Variants in FAM171A1 observed in about 807,000 individuals in gnomAD.
FAM171A1 encodes protein FAM171A1.
A neutral mutation model predicts 74.9 loss-of-function variants in FAM171A1; 23 were observed. That is an observed-to-expected ratio of 0.31 (90% confidence interval 0.22 to 0.44). The LOEUF (loss-of-function observed/expected upper bound fraction) is 0.44. FAM171A1 is among the 20% of genes least tolerant of loss of function. The pLI, the probability that FAM171A1 is intolerant of heterozygous loss-of-function variation, is 1.00. For missense variants in FAM171A1, 1,162 were observed against 1,159.2 expected (o/e 1.00, Z -0.03); for synonymous variants, 527 against 505.7 (o/e 1.04, Z -0.57).
chr10:15,242,275 A>T (rs1391629604), intron 5 of FAM171A1, among the ~76,000 whole-genome samples: 1 of 152,226 alleles, frequency 6.6e-6, no homozygotes, highest in East Asian at 1.9e-4. Flanking sequence ...TAATAGCAAC[A>T]AAAGTCTTAT....
intron 1 of FAM171A1, among the ~76,000 whole-genome samples, chr10:15,324,813 A>G (rs529210843): frequency 6.6e-6 from 1 of 152,356 alleles, no homozygotes; most frequent in South Asian, 2.1e-4. Context: ...GTCATGATAG[A>G]AACCACAACT....
intron 5 of FAM171A1, among the ~76,000 whole-genome samples, chr10:15,239,455 C>T (rs1834336133): frequency 6.6e-6 from 1 of 152,126 alleles, no homozygotes; most frequent in East Asian, 1.9e-4. Flanking sequence ...CACCACCACA[C>T]CCGGCTCCAG....
intron 1 of FAM171A1, among the ~76,000 whole-genome samples, chr10:15,322,849 C>T (rs951660466): frequency 1.3e-5 from 2 of 151,976 alleles, no homozygotes; most frequent in African/African-American, 2.4e-5. Context: ...AAAAGTACAC[C>T]TTTTTTTTGG....
intron 5 of FAM171A1, among the ~76,000 whole-genome samples, chr10:15,226,041 C>A (rs1834101961): frequency 6.6e-6 from 1 of 152,226 alleles, no homozygotes; most frequent in African/African-American, 2.4e-5. Context: ...CTTACCACTG[C>A]CTCTTAGTGT....
intron 6 of FAM171A1, among the ~76,000 whole-genome samples, chr10:15,216,667 C>A (rs1034625004): frequency 6.6e-6 from 1 of 151,978 alleles, no homozygotes; most frequent in African/African-American, 2.4e-5. Context: ...CTCCTGAGTT[C>A]GAGCAATCCA....
chr10:15,229,415 TCATCGTCATCACCACCATCATCAC>T (rs991359311), intron 5 of FAM171A1, among the ~76,000 whole-genome samples: 3 of 151,716 alleles, frequency 2.0e-5, no homozygotes, highest in Non-Finnish European at 4.4e-5. Context: ...ATCATCATCA[TCATCGTCATCACCACCATCATCAC>T]CATCGTCACC....
rs550644577 is a variant in FAM171A1, at chr10:15,325,123, T to C, written c.98-41018A>G. On this transcript the variant is annotated intron_variant, in intron 1 of 7. Transcript: ENST00000378116. ...TGACAGCCAGGGGAGTTCTATGTCC[T>C]CTTTGGTGCAAAATGTATGCAGAAA... Among the ~76,000 whole-genome samples, 6 of 152,370 alleles carry C rather than the reference T, an allele frequency of 3.9e-5. No individual in the cohort carries two copies. The South Asian group carries it at 1.2e-3, about 32-fold the overall frequency.
chr10:15,351,827 T>C (rs935197457), intron 1 of FAM171A1, among the ~76,000 whole-genome samples: 1 of 151,916 alleles, frequency 6.6e-6, no homozygotes, highest in African/African-American at 2.4e-5. Flanking sequence ...CCAAGGCAGG[T>C]GGATCCCTTG....
intron 3 of FAM171A1, among the ~76,000 whole-genome samples, chr10:15,257,420 C>T (rs1834594610): frequency 6.6e-6 from 1 of 152,164 alleles, no homozygotes; most frequent in Non-Finnish European, 1.5e-5. Flanking sequence ...GAAACCCAGG[C>T]TGCTCTCCCC....
At chr10:15,355,318 G>A (rs1055791172) in intron 1 of FAM171A1, among the ~76,000 whole-genome samples, 3 of 152,032 alleles carry the variant, frequency 2.0e-5, no homozygotes, top group Non-Finnish European at 2.9e-5. Context: ...CAAGTGATTC[G>A]CCCACTTCAG....
At position 15,213,752 on chromosome 10, in the gene FAM171A1, T is replaced by C. The variant is rs769721808; in HGVS notation, c.1836A>G (p.Glu612=). Reference sequence around the variant, plus strand: ...GATTGGACAGCTCAGCCTGTAGTCTTTCTATCTCAAGCTGCTGATCAGCCG... The same window carrying C: ...GATTGGACAGCTCAGCCTGTAGTCTCTCTATCTCAAGCTGCTGATCAGCCG... The part of the protein sequence containing the change: ...VVPADQQLEI[E]RLQAELSNPH... Residue 612 remains glutamate (E), a synonymous_variant, in exon 8 of 8, where the codon GAA becomes GAG. Transcript: ENST00000378116. The surrounding 1 kb of genome is among the most constrained non-coding windows in gnomAD (Gnocchi z 6.8). 6.2e-7 allele frequency: 1 copy of C among 1,613,952 alleles called. No homozygotes were observed. Among genetic ancestry groups the C allele is most frequent in the Non-Finnish European group, 8.5e-7 (1 of 1,179,894 alleles).
chr10:15,268,452 T>C (rs1383802603), intron 3 of FAM171A1, among the ~76,000 whole-genome samples: 1 of 152,074 alleles, frequency 6.6e-6, no homozygotes, highest in African/African-American at 2.4e-5. Context: ...TCCTCGAGTT[T>C]TGGCCTGAGT....
intron 1 of FAM171A1, among the ~76,000 whole-genome samples, chr10:15,325,593 A>C (rs1346062949): frequency 1.3e-5 from 2 of 152,150 alleles, no homozygotes; most frequent in Non-Finnish European, 2.9e-5. Flanking sequence ...AGCTTATGTC[A>C]GGGGCTTTCC....
chr10:15,214,604 G>T lies in FAM171A1; in HGVS notation c.987-3C>A. On this transcript the variant is annotated splice_polypyrimidine_tract_variant and splice_region_variant and intron_variant, in intron 7 of 7. Coordinates refer to ENST00000378116, the MANE Select transcript of FAM171A1 (RefSeq NM_001010924.2). Reference sequence around the variant, plus strand: ...GACGAGGTTTCAAGCACTTCCTCCTGCGCCCAAAGACACAATCCAAAGCCA... The same window carrying T: ...GACGAGGTTTCAAGCACTTCCTCCTTCGCCCAAAGACACAATCCAAAGCCA... The T allele has an allele frequency of 6.3e-7, 1 of 1,576,332 alleles. No individual in the cohort carries two copies.
chr10:15,246,389 A>C (rs923165610), intron 5 of FAM171A1, among the ~76,000 whole-genome samples: 30 of 152,228 alleles, frequency 2.0e-4, no homozygotes, highest in African/African-American at 6.8e-4. Context: ...TTCTTTTAAA[A>C]TATAATTCCT....
rs1219323573 is a variant in FAM171A1 at position 15,371,264 on chromosome 10, G to T, written c.-212C>A. On this transcript the variant is annotated 5_prime_UTR_variant, in exon 1 of 8. Transcript: ENST00000378116. ...GAGCCGCGGCGGCGGCGGCGGCGGC[G>T]GCTGCTGCTGCTCCGCCAGCTCCTT... Among the ~76,000 whole-genome samples the T allele has an allele frequency of 1.7e-4, 24 of 144,008 alleles. No homozygotes were observed. The highest frequency in any genetic ancestry group is 5.5e-4 in the African/African-American group (22 of 40,070). 94.5% of individuals were successfully genotyped at this position (144,008 alleles called of 152,430 possible).
chr10:15,312,673 G>GTTTGTTTTTT (rs1564274246), intron 1 of FAM171A1, among the ~76,000 whole-genome samples: 5 of 36,382 alleles, frequency 1.4e-4, no homozygotes, highest in Non-Finnish European at 2.3e-4. Context: ...AGCACTGTGT[G>GTTTGTTTTTT]TTTTTTTTTT....
chr10:15,259,474 G>C (rs1004447082), intron 3 of FAM171A1, among the ~76,000 whole-genome samples: 3 of 152,012 alleles, frequency 2.0e-5, no homozygotes, highest in Non-Finnish European at 2.9e-5. Flanking sequence ...AAAATGAATA[G>C]ACCAATATAG....
At chr10:15,370,021 G>A (rs1320229915) in intron 1 of FAM171A1, among the ~76,000 whole-genome samples, 2 of 152,168 alleles carry the variant, frequency 1.3e-5, no homozygotes, top group African/African-American at 2.4e-5. Context: ...AGCAACAGAG[G>A]AGTCCTCGAC....
Sources: allele counts gnomAD v4.1 joint callset (sites outside exome capture counted in the v4.1 genomes callset), GRCh38; gene constraint gnomAD v4.1.1; non-coding constraint Gnocchi (gnomAD v3.1); transcripts MANE v1.5; gene names NCBI Gene and HGNC (gene_info 2026-07-23, HGNC 2026-07-21).